Variants in RGL1 observed in about 807,000 individuals in gnomAD.
RGL1 encodes ral guanine nucleotide dissociation stimulator like 1, also known as ral guanine nucleotide dissociation stimulator-like 1.
In RGL1, 24 loss-of-function variants were observed where a neutral mutation model predicts 95.2. The ratio of observed to expected loss-of-function variants is 0.25; its 90% CI spans 0.18 to 0.35. The LOEUF (loss-of-function observed/expected upper bound fraction) is 0.35. RGL1 is among the 10% of genes least tolerant of loss of function. The probability of loss-of-function intolerance (pLI) is 1.00; values close to 1 mark genes in which losing one functional copy is unlikely to be tolerated. For synonymous variants in RGL1, 329 were observed against 344.9 expected (o/e 0.95, Z 0.51); for missense variants, 715 against 936.3 (o/e 0.76, Z 3.08).
intron 4 of RGL1, among the ~76,000 whole-genome samples, chr1:183,867,732 G>T (rs1336654484): frequency 2.0e-5 from 3 of 152,142 alleles, no homozygotes; most frequent in Non-Finnish European, 4.4e-5. Context: ...CCATTGTAGG[G>T]GTGATGTTCC....
At chr1:183,837,999 G>A (rs918543688) in intron 2 of RGL1, among the ~76,000 whole-genome samples, 1 of 152,160 alleles carries the variant, frequency 6.6e-6, no homozygotes, top group African/African-American at 2.4e-5. Context: ...TGTGAGGCCC[G>A]GTTCCTAACA....
At chr1:183,900,408 A>C (rs566062402) in intron 11 of RGL1, among the ~76,000 whole-genome samples, 172 bp downstream of exon 11, 1 of 152,270 alleles carries the variant, frequency 6.6e-6, no homozygotes. Flanking sequence ...AAGTGGCTCA[A>C]AATCCAGTGG....
chr1:183,665,727 A>G (rs186717614), intron 1 of RGL1, among the ~76,000 whole-genome samples: 2 of 152,260 alleles, frequency 1.3e-5, no homozygotes, highest in East Asian at 3.9e-4. Flanking sequence ...CGTAGTGATG[A>G]TGTCCCCTCT....
chr1:183,879,923 C>G (rs1666727580), intron 4 of RGL1, among the ~76,000 whole-genome samples: 1 of 152,144 alleles, frequency 6.6e-6, no homozygotes, highest in African/African-American at 2.4e-5. Flanking sequence ...TTGTCTTCCC[C>G]TAGGTGGACT....
chr1:183,824,180 T>G (rs1030043175), intron 2 of RGL1, among the ~76,000 whole-genome samples: 2 of 152,208 alleles, frequency 1.3e-5, no homozygotes, highest in African/African-American at 4.8e-5. Context: ...TTGGCAGAAC[T>G]ACCCATCCGT....
chr1:183,693,778 G>A (rs1191337508), intron 1 of RGL1, among the ~76,000 whole-genome samples: 1 of 152,112 alleles, frequency 6.6e-6, no homozygotes, highest in East Asian at 1.9e-4. Context: ...AGGCAGTAAA[G>A]TGTTGTTCTG....
chr1:183,907,656 C>T (rs1319984900), intron 14 of RGL1, among the ~76,000 whole-genome samples: 1 of 152,136 alleles, frequency 6.6e-6, no homozygotes, highest in African/African-American at 2.4e-5. Context: ...CAAGAGAGAA[C>T]CCTTTCTAAT....
Position 183,900,339 on chromosome 1 carries a change from A to C in RGL1, c.1317+103A>C, listed in dbSNP as rs1667944323. 3 of 857,978 alleles carry C rather than the reference A, an allele frequency of 3.5e-6. No homozygotes were observed. The South Asian group carries it at 4.5e-5, about 13-fold the overall frequency. The allele number at this position is 857,978 out of a possible 1,614,324, so 53.1% of individuals were successfully genotyped here. A position where few individuals can be genotyped will look rare whatever the true frequency, so the allele number is the denominator to read the frequency against. On this transcript the variant is annotated intron_variant, in intron 11 of 17. Coordinates refer to ENST00000360851, the MANE Select transcript of RGL1 (RefSeq NM_001297671.3). ...GTATCTTTTGAAGGTCCAAAAGTAC[A>C]TGGCATTGTGCTAGCTGTTAGGAGG... is the stretch of plus-strand genomic sequence containing the variant.
intron 3 of RGL1, among the ~76,000 whole-genome samples, chr1:183,859,296 A>T (rs1665361893): frequency 6.6e-6 from 1 of 152,242 alleles, no homozygotes; most frequent in African/African-American, 2.4e-5. Flanking sequence ...AAGAAACCTT[A>T]TAGCAGGAGT....
At chr1:183,734,371 A>G (rs1656808132) in intron 1 of RGL1, among the ~76,000 whole-genome samples, 1 of 152,190 alleles carries the variant, frequency 6.6e-6, no homozygotes, top group African/African-American at 2.4e-5. Context: ...AACTGGAGAG[A>G]AACCCTAAGG....
chr1:183,786,985 T>C (rs1175112661), intron 2 of RGL1, among the ~76,000 whole-genome samples: 1 of 152,210 alleles, frequency 6.6e-6, no homozygotes, highest in Non-Finnish European at 1.5e-5. Flanking sequence ...GTGATAAACA[T>C]GCTGTAGTGA....
chr1:183,717,568 T>A (rs1655701897), intron 1 of RGL1, among the ~76,000 whole-genome samples: 1 of 152,218 alleles, frequency 6.6e-6, no homozygotes, highest in Non-Finnish European at 1.5e-5. Context: ...AAATATTTTT[T>A]ATTTATATTT....
At chr1:183,855,699 T>C (rs980736974) in intron 3 of RGL1, among the ~76,000 whole-genome samples, 2 of 152,214 alleles carry the variant, frequency 1.3e-5, no homozygotes, top group African/African-American at 4.8e-5. Context: ...CAGTGTCGCC[T>C]CTAGGGTCAC....
intron 2 of RGL1, among the ~76,000 whole-genome samples, chr1:183,832,886 G>A (rs759501312): frequency 6.7e-4 from 102 of 152,244 alleles, no homozygotes; most frequent in Admixed American, 1.0e-3. Flanking sequence ...AGTTTCAGGC[G>A]GGAATCAATA....
intron 1 of RGL1, among the ~76,000 whole-genome samples, chr1:183,676,120 C>T (rs1652813645): frequency 6.6e-6 from 1 of 151,938 alleles, no homozygotes; most frequent in Admixed American, 6.6e-5. Flanking sequence ...GCACTCTGGC[C>T]TGGGTGACAG....
At chr1:183,712,499 G>T (rs1264734732) in intron 1 of RGL1, among the ~76,000 whole-genome samples, 1 of 152,106 alleles carries the variant, frequency 6.6e-6, no homozygotes, top group East Asian at 1.9e-4. Context: ...GAGAGAGAGT[G>T]TGTGTGTGTG....
At chr1:183,883,069 C>G (rs995805276) in intron 5 of RGL1, among the ~76,000 whole-genome samples, 6 of 152,154 alleles carry the variant, frequency 3.9e-5, no homozygotes, top group African/African-American at 1.4e-4. Context: ...TCATCAAATT[C>G]CAGTCTTTCA....
At chr1:183,685,644 A>G (rs187047596) in intron 1 of RGL1, among the ~76,000 whole-genome samples, 5 of 152,344 alleles carry the variant, frequency 3.3e-5, no homozygotes, top group Non-Finnish European at 5.9e-5. Flanking sequence ...ACCTAGTATT[A>G]TAGGTTAAAT....
At chr1:183,919,803 C>T (rs915758269) in intron 16 of RGL1, among the ~76,000 whole-genome samples, 3 of 152,266 alleles carry the variant, frequency 2.0e-5, no homozygotes, top group African/African-American at 4.8e-5. Flanking sequence ...TCAATGAGGG[C>T]GACACCAAAG....
Sources: allele counts gnomAD v4.1 joint callset (sites outside exome capture counted in the v4.1 genomes callset), GRCh38; gene constraint gnomAD v4.1.1; transcripts MANE v1.5; gene names NCBI Gene and HGNC (gene_info 2026-07-23, HGNC 2026-07-21).